Variants in ANXA2 observed in about 807,000 individuals in gnomAD.
ANXA2 encodes annexin A2.
A neutral mutation model predicts 47.3 loss-of-function variants in ANXA2; 28 were observed. The observed-to-expected ratio is 0.59, with a 90% confidence interval of 0.44 to 0.81. ANXA2 has a LOEUF of 0.81. ANXA2 is among the 40% of genes least tolerant of loss of function. ANXA2 has a pLI of 0.00. For missense variants in ANXA2, 384 were observed against 414.3 expected (o/e 0.93, Z 0.64); for synonymous variants, 172 against 155.5 (o/e 1.11, Z -0.79).
At chr15:60,386,833 A>T (rs2140923616) in intron 1 of ANXA2, 1 of 152,352 alleles carries the variant, frequency 6.6e-6, no homozygotes, top group East Asian at 1.9e-4. Flanking sequence ...CCTGCCAATA[A>T]GGAGTGCTCA....
chr15:60,355,050 G>C (rs1052325821), intron 7 of ANXA2, among the ~76,000 whole-genome samples: 1 of 152,158 alleles, frequency 6.6e-6, no homozygotes, highest in African/African-American at 2.4e-5. Context: ...GCACACAAGG[G>C]ATGGCACAGC....
chr15:60,379,652 C>T (rs1040155218), intron 3 of ANXA2, among the ~76,000 whole-genome samples: 3 of 152,200 alleles, frequency 2.0e-5, no homozygotes. Context: ...GATGACAGAA[C>T]ACTACATCAG....
intron 7 of ANXA2, among the ~76,000 whole-genome samples, 180 bp from the exon 8 acceptor site, chr15:60,354,393 G>A (rs959130226): frequency 8.5e-5 from 13 of 152,136 alleles, no homozygotes; most frequent in African/African-American, 3.1e-4. Context: ...TGTAATCCTA[G>A]GACTTTGGGA....
intron 2 of ANXA2, chr15:60,382,944 C>A: frequency 6.5e-6 from 1 of 154,472 alleles, no homozygotes. Context: ...CTTTGGTCAC[C>A]ACTGTGGCAC....
chr15:60,379,918 G>A (rs1171985052), intron 3 of ANXA2, among the ~76,000 whole-genome samples: 1 of 152,224 alleles, frequency 6.6e-6, no homozygotes, highest in South Asian at 2.1e-4. Context: ...GTTCATTTGC[G>A]CAATCTTTAC....
chr15:60,349,071 T>G lies in ANXA2; in HGVS notation c.960+4A>C, dbSNP rs1895864258. ...GGCAGGCTGACACTGCACCTCGGGC[T>G]TACCTGGATATAATAGTACAGGGAC... On this transcript the variant is annotated splice_donor_region_variant and intron_variant, in intron 12 of 12. Transcript: ENST00000451270. 1 of 1,613,894 alleles carries G rather than the reference T, an allele frequency of 6.2e-7. No homozygotes were observed. Among genetic ancestry groups the G allele is most frequent in the South Asian group, 1.1e-5 (1 of 91,084 alleles).
At chr15:60,359,871 G>A (rs1042132931) in intron 5 of ANXA2, among the ~76,000 whole-genome samples, 5 of 152,234 alleles carry the variant, frequency 3.3e-5, no homozygotes, top group African/African-American at 1.2e-4. Flanking sequence ...GTGTCGGACT[G>A]TTCAAATGCT....
At chr15:60,390,231 A>T (rs1162384088) in intron 1 of ANXA2, 10 of 1,008,262 alleles carry the variant, frequency 9.9e-6, no homozygotes, top group Middle Eastern at 4.8e-4. Flanking sequence ...AGTATCTATG[A>T]AATTTGACAT....
In ANXA2 at chr15:60,349,094, G is replaced by A. The variant is rs1203980282; in HGVS notation, c.941C>T (p.Ser314Phe). Residue 314 changes from serine to phenylalanine, a missense_variant, in exon 12 of 13, where the codon TCC becomes TTC. Coordinates refer to ENST00000451270, the MANE Select transcript of ANXA2 (RefSeq NM_004039.3). ...RSEFKRKYGKSLYYYIQQDTK... is the reference protein window; with the variant it reads ...RSEFKRKYGKFLYYYIQQDTK... ...GCTTACCTGGATATAATAGTACAGG[G>A]ACTTGCCGTACTTTCTCTTGAATTC... The A allele has an allele frequency of 1.2e-6, 2 of 1,614,032 alleles. No homozygotes were observed. The highest frequency in any genetic ancestry group is 1.7e-6 in the Non-Finnish European group (2 of 1,179,990).
At chr15:60,371,119 A>G (rs1416004266) in intron 3 of ANXA2, among the ~76,000 whole-genome samples, 6 of 152,250 alleles carry the variant, frequency 3.9e-5, no homozygotes, top group Non-Finnish European at 5.9e-5. Context: ...CTGATAAGAA[A>G]CAGCACAAGG....
At chr15:60,397,115 A>T (rs777330539) in intron 1 of ANXA2, 22 of 223,268 alleles carry the variant, frequency 9.9e-5, no homozygotes, top group Non-Finnish European at 1.3e-4. Flanking sequence ...CCTCCACACC[A>T]GCAGTGGGGC....
intron 1 of ANXA2, among the ~76,000 whole-genome samples, chr15:60,388,188 CAA>C (rs112108609): frequency 1.5e-4 from 19 of 126,536 alleles, no homozygotes; most frequent in Non-Finnish European, 2.2e-4. Flanking sequence ...AACTCCGTCT[CAA>C]AAAAAAAAAA....
At chr15:60,366,006 G>A (rs1348272643) in intron 3 of ANXA2, among the ~76,000 whole-genome samples, 1 of 141,576 alleles carries the variant, frequency 7.1e-6, no homozygotes. Context: ...GCGCCGCCAC[G>A]CCTGACTGGT....
At chr15:60,372,588 G>A (rs2062724634) in intron 3 of ANXA2, among the ~76,000 whole-genome samples, 1 of 151,582 alleles carries the variant, frequency 6.6e-6, no homozygotes, top group South Asian at 2.1e-4. Flanking sequence ...GGGGTTACAT[G>A]TTAACTTGTA....
intron 3 of ANXA2, among the ~76,000 whole-genome samples, chr15:60,378,060 C>G (rs995322890): frequency 2.0e-5 from 3 of 152,184 alleles, no homozygotes; most frequent in African/African-American, 7.2e-5. Flanking sequence ...CAAGATCATG[C>G]CACTGCACCC....
At chr15:60,397,419 C>G in intron 1 of ANXA2, 1 of 653,180 alleles carries the variant, frequency 1.5e-6, no homozygotes, top group Non-Finnish European at 1.9e-6. Context: ...TCCCCCCTCT[C>G]GTCTTCCCCC....
chr15:60,347,649 A>T lies in ANXA2; in HGVS notation c.1001T>A (p.Leu334Gln). ...CGGGCTTCAGTCATCTCCACCACAC[A>T]GGTACAGCAGCGCTTTCTGGTAGTC... ...KGDYQKALLY[L>Q]CGGDD Residue 334 changes from leucine (L) to glutamine (Q), a missense_variant, in exon 13 of 13, where the codon CTG becomes CAG. Coordinates refer to ENST00000451270, the MANE Select transcript of ANXA2 (RefSeq NM_004039.3). 1 of 1,614,176 alleles carries T rather than the reference A, an allele frequency of 6.2e-7. No homozygotes were observed. The highest frequency in any genetic ancestry group is 8.5e-7 in the Non-Finnish European group (1 of 1,180,014).
intron 3 of ANXA2, among the ~76,000 whole-genome samples, chr15:60,366,232 A>G (rs897658461): frequency 6.6e-6 from 1 of 150,460 alleles, no homozygotes; most frequent in Non-Finnish European, 1.5e-5. Context: ...TTGGCCTCCC[A>G]AAGAGCCCAG....
intron 1 of ANXA2, chr15:60,390,565 G>A: frequency 2.3e-6 from 1 of 433,954 alleles, no homozygotes; most frequent in Non-Finnish European, 4.5e-6. Context: ...AGGTTGTGCT[G>A]AGGCTTGAGT....
Sources: gnomAD v4.1 joint callset for allele counts (sites outside exome capture counted in the v4.1 genomes callset) on GRCh38, gnomAD v4.1.1 for gene constraint, MANE v1.5 for transcripts, NCBI Gene and HGNC (gene_info 2026-07-23, HGNC 2026-07-21) for gene names.